Variants in PGAP1 observed in about 807,000 individuals in gnomAD.
The protein encoded by PGAP1 is GPI inositol-deacylase.
In PGAP1, 76 loss-of-function variants were observed where a neutral mutation model predicts 127.0. The ratio of observed to expected loss-of-function variants is 0.60; its 90% CI spans 0.50 to 0.72. The LOEUF is 0.72. PGAP1 is among the 30% of genes least tolerant of loss of function. The probability of loss-of-function intolerance (pLI) is 0.00; values close to 1 mark genes in which losing one functional copy is unlikely to be tolerated. For synonymous variants in PGAP1, 362 were observed against 366.5 expected, an observed-to-expected ratio of 0.99 and a Z score of 0.14; for missense variants, 982 against 1,071.3, an observed-to-expected ratio of 0.92 and a Z score of 1.16.
chr2:196,861,385 G>A (rs1701059263), intron 20 of PGAP1, among the ~76,000 whole-genome samples: 1 of 152,130 alleles, frequency 6.6e-6, no homozygotes, highest in African/African-American at 2.4e-5. Context: ...GAAGAGATAA[G>A]CCAAAGACTG....
chr2:196,855,905 A>C (rs1329200452), intron 20 of PGAP1, among the ~76,000 whole-genome samples: 1 of 152,224 alleles, frequency 6.6e-6, no homozygotes, highest in Non-Finnish European at 1.5e-5. Context: ...TCTGACTTTA[A>C]GGGTTCCCAG....
chr2:196,879,984 TA>T, intron 13 of PGAP1, 91 bp downstream of exon 13: 2 of 876,428 alleles, frequency 2.3e-6, no homozygotes, highest in Non-Finnish European at 3.7e-6. Context: ...CTGTTTTAGA[TA>T]AACTGTGCAG....
intron 20 of PGAP1, among the ~76,000 whole-genome samples, chr2:196,860,361 A>T (rs995599952): frequency 2.0e-5 from 3 of 152,026 alleles, no homozygotes; most frequent in Admixed American, 1.3e-4. Context: ...GTGAAACCCC[A>T]TCTCTACTAG....
chr2:196,866,051 A>AAT (rs1559341836), intron 19 of PGAP1, among the ~76,000 whole-genome samples: 3 of 152,300 alleles, frequency 2.0e-5, no homozygotes, highest in Middle Eastern at 3.4e-3. Flanking sequence ...TACTGCCCAG[A>AAT]GTAATTTATA....
chr2:196,838,730 T>A lies in PGAP1; in HGVS notation c.*2504A>T, dbSNP rs1482917314. 5 of 152,170 alleles carry A rather than the reference T, an allele frequency of 3.3e-5. No homozygotes were observed. Among genetic ancestry groups the A allele is most frequent in the Non-Finnish European group, 7.3e-5 (5 of 68,030 alleles). 9.4% of individuals were successfully genotyped at this position (152,170 alleles called of 1,614,324 possible). On this transcript the variant is annotated 3_prime_UTR_variant, in exon 27 of 27. Transcript: ENST00000354764. The stretch of plus-strand genomic sequence containing the variant: ...GAAAATATTTGAGTGAGAATTAGTG[T>A]ACCTAGTCTGCTGCTTTAAAAAGTA...
At chr2:196,887,199 A>T (rs1663136065) in intron 10 of PGAP1, among the ~76,000 whole-genome samples, 1 of 152,128 alleles carries the variant, frequency 6.6e-6, no homozygotes. Context: ...CCTGGCTAAC[A>T]CGGTGAAACC....
At position 196,863,557 on chromosome 2, in the gene PGAP1, G is replaced by T. The variant is rs142407326; in HGVS notation, c.1861+1430C>A. Among the ~76,000 whole-genome samples the T allele has an allele frequency of 6.6e-5, 10 of 152,262 alleles. No homozygotes were observed. The South Asian group carries it at 2.1e-3, about 32-fold the overall frequency. ...GCTAGAGAATAGATGGTTACCAGAGGGTGGGAAAGGTAAAGAGGAGTGGAG... is the reference window on the plus strand; with the variant it reads ...GCTAGAGAATAGATGGTTACCAGAGTGTGGGAAAGGTAAAGAGGAGTGGAG... On this transcript the variant is annotated intron_variant, in intron 20 of 26. Coordinates refer to ENST00000354764, the MANE Select transcript of PGAP1 (RefSeq NM_024989.4).
chr2:196,923,432 T>C (rs1174019719), intron 1 of PGAP1, among the ~76,000 whole-genome samples: 5 of 152,152 alleles, frequency 3.3e-5, no homozygotes, highest in Non-Finnish European at 7.4e-5. Flanking sequence ...TACTCTCTTA[T>C]TGTGAAATTA....
rs991659684 is a variant in PGAP1, at chr2:196,840,175, T to G, written c.*1059A>C. On this transcript the variant is annotated 3_prime_UTR_variant, in exon 27 of 27. Transcript: ENST00000354764. Reference sequence around the variant, plus strand: ...ACTGTTAAACCTAGTGGCTAATGTCTCCAATTTATTCAGGTGTACTGTTTA... The same window carrying G: ...ACTGTTAAACCTAGTGGCTAATGTCGCCAATTTATTCAGGTGTACTGTTTA... 6.6e-6 allele frequency: 1 copy of G among 152,198 alleles called. No homozygotes were observed. The highest frequency in any genetic ancestry group is 6.5e-5 in the Admixed American group (1 of 15,280). The allele number at this position is 152,198 out of a possible 1,614,324, so 9.4% of individuals were successfully genotyped here. A position where few individuals can be genotyped will look rare whatever the true frequency, so the allele number is the denominator to read the frequency against.
intron 13 of PGAP1, among the ~76,000 whole-genome samples, chr2:196,879,509 G>A (rs950340675): frequency 2.6e-5 from 4 of 152,194 alleles, no homozygotes; most frequent in African/African-American, 9.6e-5. Flanking sequence ...ATCCTGGCCA[G>A]CATGGCAAAA....
chr2:196,913,020 T>C lies in PGAP1; in HGVS notation c.511A>G (p.Ile171Val), dbSNP rs372875380. 56 of 1,611,392 alleles carry C rather than the reference T, an allele frequency of 3.5e-5. No homozygotes were observed. In the East Asian group the frequency reaches 1.1e-3, roughly 31 times the overall value. Reference sequence around the variant, plus strand: ...ACAAGGCCACCCATAGAATGACCAATTATTGCCACACTTTTTGGAGCAAAT... The same window carrying C: ...ACAAGGCCACCCATAGAATGACCAACTATTGCCACACTTTTTGGAGCAAAT... ...QEFAPKSVAI[I>V]GHSMGGLVAR... The change falls in exon 4 of 27, where the codon ATT becomes GTT. Residue 171 changes from isoleucine to valine, a missense_variant. By Grantham distance (29) the Ile-to-Val change is conservative. Coordinates refer to ENST00000354764, the MANE Select transcript of PGAP1 (RefSeq NM_024989.4).
In PGAP1 at chr2:196,836,105, TAC is replaced by T. The variant is rs571646623; in HGVS notation, c.*5127_*5128del. On this transcript the variant is annotated 3_prime_UTR_variant, in exon 27 of 27. Transcript: ENST00000354764. ...TAACTAATCAAAACACACCAACAGA[TAC>T]AGTTTTTCATAAGTGTTCAAAGTTA... The T allele has an allele frequency of 1.1e-4, 17 of 152,488 alleles. No homozygotes were observed. The South Asian group carries it at 3.5e-3, about 32-fold the overall frequency. The allele number at this position is 152,488 out of a possible 1,614,324, so 9.4% of individuals were successfully genotyped here. A position where few individuals can be genotyped will look rare whatever the true frequency, so the allele number is the denominator to read the frequency against.
intron 16 of PGAP1, 57 bp from the exon 17 acceptor site, chr2:196,873,083 A>G (rs1701457366): frequency 3.4e-6 from 2 of 585,098 alleles, no homozygotes; most frequent in African/African-American, 4.0e-5. Context: ...AATGTTACAT[A>G]AACTACTATA....
chr2:196,887,849 A>G (rs1047457817), intron 10 of PGAP1, among the ~76,000 whole-genome samples: 11 of 152,338 alleles, frequency 7.2e-5, no homozygotes, highest in African/African-American at 2.6e-4. Context: ...CCAGAACAAT[A>G]ATGTGACATT....
intron 10 of PGAP1, among the ~76,000 whole-genome samples, chr2:196,889,703 G>GA (rs1702034479): frequency 6.7e-6 from 1 of 149,370 alleles, no homozygotes; most frequent in Non-Finnish European, 1.5e-5. Flanking sequence ...AAAAAAAATA[G>GA]AAAAAATTAG....
intron 13 of PGAP1, among the ~76,000 whole-genome samples, chr2:196,879,868 C>A (rs559419428): frequency 6.6e-6 from 1 of 152,154 alleles, no homozygotes; most frequent in Admixed American, 6.5e-5. Context: ...AAACTGGAAC[C>A]AGTTCTCACT....
At chr2:196,887,547 T>C (rs572531755) in intron 10 of PGAP1, among the ~76,000 whole-genome samples, 4 of 152,262 alleles carry the variant, frequency 2.6e-5, no homozygotes, top group Non-Finnish European at 4.4e-5. Flanking sequence ...ACTGCTCACA[T>C]AGCTACATAA....
intron 1 of PGAP1, among the ~76,000 whole-genome samples, chr2:196,925,560 A>G (rs913472726): frequency 6.6e-6 from 1 of 152,206 alleles, no homozygotes; most frequent in African/African-American, 2.4e-5. Context: ...TTTTACAGCT[A>G]GTCATGAATG....
intron 13 of PGAP1, among the ~76,000 whole-genome samples, 197 bp from the exon 14 acceptor site, chr2:196,876,018 T>C (rs1233734338): frequency 6.6e-6 from 1 of 152,112 alleles, no homozygotes; most frequent in Non-Finnish European, 1.5e-5. Flanking sequence ...GAAAACTTGA[T>C]ATACAAGCCT....
Sources: allele counts gnomAD v4.1 joint callset (sites outside exome capture counted in the v4.1 genomes callset), GRCh38; gene constraint gnomAD v4.1.1; transcripts MANE v1.5; gene names NCBI Gene and HGNC (gene_info 2026-07-23, HGNC 2026-07-21).